Variants in MTSS1 observed in about 807,000 individuals in gnomAD.
The protein encoded by MTSS1 is MTSS I-BAR domain containing 1.
Under a neutral mutation model 79.0 loss-of-function variants are expected in MTSS1, and 18 were observed. That is an observed-to-expected ratio of 0.23 (90% confidence interval 0.16 to 0.34). The LOEUF (loss-of-function observed/expected upper bound fraction) is 0.34. Among genes scored for constraint, MTSS1 ranks in the 10% least tolerant of loss-of-function variants. The pLI is 1.00. For missense variants in MTSS1, 815 were observed against 986.2 expected (o/e 0.83, Z 2.33); for synonymous variants, 341 against 368.6 (o/e 0.93, Z 0.86).
intron 6 of MTSS1, among the ~76,000 whole-genome samples, chr8:124,574,151 G>A (rs948306611): frequency 3.3e-5 from 5 of 152,066 alleles, no homozygotes; most frequent in Non-Finnish European, 1.5e-5. Flanking sequence ...TACTATGTTG[G>A]CCAGGCTGGT....
chr8:124,601,640 G>A (rs981429498), intron 3 of MTSS1, among the ~76,000 whole-genome samples: 1 of 152,174 alleles, frequency 6.6e-6, no homozygotes, highest in African/African-American at 2.4e-5. Flanking sequence ...CCTTGACGGC[G>A]GGCTGGAGGA....
chr8:124,568,104 C>A, intron 7 of MTSS1: 1 of 721,648 alleles, frequency 1.4e-6, no homozygotes, highest in Non-Finnish European at 2.1e-6. Context: ...CCACGTGATG[C>A]TGCTGACCTG....
chr8:124,602,197 A>G (rs1447687904), intron 3 of MTSS1, among the ~76,000 whole-genome samples: 4 of 143,220 alleles, frequency 2.8e-5, no homozygotes, highest in Non-Finnish European at 6.0e-5. Context: ...ACATATATAT[A>G]TATATATATA....
At chr8:124,644,225 T>C (rs1818602100) in intron 3 of MTSS1, among the ~76,000 whole-genome samples, 1 of 152,206 alleles carries the variant, frequency 6.6e-6, no homozygotes, top group East Asian at 1.9e-4. Context: ...TTGAAATGCA[T>C]GAGCAGCACA....
chr8:124,591,356 T>C, intron 3 of MTSS1, 121 bp from the exon 4 acceptor site: 1 of 771,836 alleles, frequency 1.3e-6, no homozygotes, highest in Non-Finnish European at 2.2e-6. Context: ...CCACCATCTT[T>C]AGAAGCTTCT....
chr8:124,689,301 G>A (rs570535015), intron 3 of MTSS1, among the ~76,000 whole-genome samples: 10 of 152,140 alleles, frequency 6.6e-5, no homozygotes, highest in South Asian at 4.2e-4. Flanking sequence ...AAACAGACCC[G>A]TCCTAGAAAA....
At chr8:124,713,600 T>G (rs562138942) in intron 1 of MTSS1, among the ~76,000 whole-genome samples, 102 of 152,126 alleles carry the variant, frequency 6.7e-4, no homozygotes, top group African/African-American at 2.4e-3. Context: ...ATTTTTGTAT[T>G]TTTAGTAGAG....
intron 3 of MTSS1, among the ~76,000 whole-genome samples, chr8:124,669,246 T>C (rs1473022083): frequency 3.3e-5 from 5 of 152,228 alleles, no homozygotes; most frequent in African/African-American, 1.2e-4. Context: ...ATTTTCTAAT[T>C]AAACAAACAA....
intron 3 of MTSS1, among the ~76,000 whole-genome samples, chr8:124,652,989 C>T (rs1251378027): frequency 3.3e-5 from 5 of 152,238 alleles, no homozygotes; most frequent in Admixed American, 2.6e-4. Context: ...TTCTCTGCCT[C>T]ACCTGCATTC....
At chr8:124,580,971 G>GAA (rs200667522) in intron 6 of MTSS1, among the ~76,000 whole-genome samples, 173 of 148,714 alleles carry the variant, frequency 1.2e-3, no homozygotes, top group African/African-American at 4.1e-3. Flanking sequence ...GATGAAAATG[G>GAA]AAAAAAAAAA....
At chr8:124,691,125 AT>A (rs1162150317) in intron 3 of MTSS1, among the ~76,000 whole-genome samples, 1 of 152,246 alleles carries the variant, frequency 6.6e-6, no homozygotes, top group Non-Finnish European at 1.5e-5. Context: ...GACTAAATAC[AT>A]TGTGCTAACA....
At position 124,553,858 on chromosome 8, in the gene MTSS1, C is replaced by G. The variant is rs912189620; in HGVS notation, c.1568-166G>C. 6.6e-6 allele frequency among the ~76,000 whole-genome samples: 1 copy of G among 152,170 alleles called. No individual in the cohort carries two copies. Among genetic ancestry groups the G allele is most frequent in the Non-Finnish European group, 1.5e-5 (1 of 68,030 alleles). On this transcript the variant is annotated intron_variant, in intron 13 of 13. Coordinates refer to ENST00000518547, the MANE Select transcript of MTSS1 (RefSeq NM_014751.6). The surrounding 1 kb of genome is among the most constrained non-coding windows in gnomAD (Gnocchi z 6.0). Reference sequence around the variant, plus strand: ...TTCAGAAAGCCTCACCAACTAAGAACTCCGTGGCAGGGATCTTTGCTTTGT... The same window carrying G: ...TTCAGAAAGCCTCACCAACTAAGAAGTCCGTGGCAGGGATCTTTGCTTTGT...
rs866002638 is a variant in MTSS1, at chr8:124,597,528, G to A, written c.209-6293C>T. Among the ~76,000 whole-genome samples, 25 of 152,234 alleles carry A rather than the reference G, an allele frequency of 1.6e-4. No individual in the cohort carries two copies. The highest frequency in any genetic ancestry group is 2.9e-4 in the Non-Finnish European group (20 of 68,046). On this transcript the variant is annotated intron_variant, in intron 3 of 13. Coordinates refer to ENST00000518547, the MANE Select transcript of MTSS1 (RefSeq NM_014751.6). The surrounding 1 kb of genome is among the most constrained non-coding windows in gnomAD (Gnocchi z 4.6). ...CCCCTTGCTGCAGAGACCTGGCAGCGACAGGCAGGACGGTGGGTCCTTCGA... is the reference window on the plus strand; with the variant it reads ...CCCCTTGCTGCAGAGACCTGGCAGCAACAGGCAGGACGGTGGGTCCTTCGA...
At chr8:124,585,215 T>C in intron 5 of MTSS1, 54 bp from the exon 6 acceptor site, 4 of 1,338,996 alleles carry the variant, frequency 3.0e-6, no homozygotes, top group Admixed American at 1.8e-5. Context: ...ACAGAAAATA[T>C]GTTAGGTAGG....
chr8:124,685,449 C>G (rs113478932), intron 3 of MTSS1, among the ~76,000 whole-genome samples: 6,708 of 152,272 alleles, frequency 0.044, 484 homozygotes, highest in African/African-American at 0.15. Context: ...TACAGTGCTA[C>G]GACAGCGAAG....
At chr8:124,713,357 C>T (rs765712295) in intron 1 of MTSS1, among the ~76,000 whole-genome samples, 1 of 152,210 alleles carries the variant, frequency 6.6e-6, no homozygotes, top group Non-Finnish European at 1.5e-5. Flanking sequence ...TGTATGTGTT[C>T]CATGCTCCAC....
chr8:124,665,642 T>C (rs959436986), intron 3 of MTSS1, among the ~76,000 whole-genome samples: 1 of 151,174 alleles, frequency 6.6e-6, no homozygotes, highest in East Asian at 2.0e-4. Context: ...CCGAGGCGGG[T>C]GGATCACCTG....
chr8:124,727,838 T>G lies in MTSS1; in HGVS notation c.72+46A>C, dbSNP rs1833967218. 6.6e-7 allele frequency: 1 copy of G among 1,519,534 alleles called. No individual in the cohort carries two copies. The allele number at this position is 1,519,534 out of a possible 1,614,324, so 94.1% of individuals were successfully genotyped here. On this transcript the variant is annotated intron_variant, in intron 1 of 13. Coordinates refer to ENST00000518547, the MANE Select transcript of MTSS1 (RefSeq NM_014751.6). This position sits in a 1 kb window ranked among gnomAD's most constrained non-coding sequence, Gnocchi z 4.7. ...GTGGAGGCGAAGCGCGGCGGCGAGG[T>G]CAGAGCGCGGCGGCCGGCGCCGCAG...
chr8:124,705,025 G>A (rs1359597530), intron 1 of MTSS1, among the ~76,000 whole-genome samples: 1 of 152,070 alleles, frequency 6.6e-6, no homozygotes, highest in African/African-American at 2.4e-5. Context: ...AGTCTGACAG[G>A]GCAAAGCAGG....
Sources: allele counts gnomAD v4.1 joint callset (sites outside exome capture counted in the v4.1 genomes callset), GRCh38; gene constraint gnomAD v4.1.1; non-coding constraint Gnocchi (gnomAD v3.1); transcripts MANE v1.5; gene names NCBI Gene and HGNC (gene_info 2026-07-23, HGNC 2026-07-21).